The following PTGER3 variants were observed in gnomAD, a reference collection of about 807,000 sequenced individuals.
PTGER3 encodes the protein prostaglandin E receptor 3.
Under a neutral mutation model 34.7 loss-of-function variants are expected in PTGER3, and 22 were observed. That is an observed-to-expected ratio of 0.63 (90% CI 0.45 to 0.91). PTGER3 has a LOEUF of 0.91. PTGER3 is among the 40% of genes least tolerant of loss of function. The pLI, the probability that PTGER3 is intolerant of heterozygous loss-of-function variation, is 0.00. For synonymous variants in PTGER3, 241 were observed against 230.1 expected, an observed-to-expected ratio of 1.05 and a Z score of -0.43; for missense variants, 468 against 519.4, an observed-to-expected ratio of 0.90 and a Z score of 0.96.
chr1:70,956,036 G>T (rs1572752180), intron 2 of PTGER3, among the ~76,000 whole-genome samples: 1 of 152,128 alleles, frequency 6.6e-6, no homozygotes. Context: ...ACAGGTTTGG[G>T]CAGCTATCTC....
At chr1:70,905,964 G>T (rs10889899) in intron 4 of PTGER3, among the ~76,000 whole-genome samples, 35,123 of 151,924 alleles carry the variant, frequency 0.23, 4,242 homozygotes, top group South Asian at 0.32. Context: ...CTGGTGGGAG[G>T]TGATTGAATT....
chr1:70,949,084 T>A (rs548744795), downstream of PTGER3, among the ~76,000 whole-genome samples: 101 of 151,906 alleles, frequency 6.6e-4, 1 homozygote, highest in African/African-American at 2.3e-3. Context: ...GGTAAAGGAG[T>A]GTTGGGAAAA....
At chr1:70,911,074 C>T (rs1647050674) in intron 4 of PTGER3, among the ~76,000 whole-genome samples, 2 of 136,736 alleles carry the variant, frequency 1.5e-5, no homozygotes, top group South Asian at 4.8e-4. Context: ...AGCGAGACTC[C>T]ATTTAAAAAA....
At chr1:71,004,697 C>T (rs1656785921) in intron 2 of PTGER3, among the ~76,000 whole-genome samples, 1 of 152,072 alleles carries the variant, frequency 6.6e-6, no homozygotes, top group African/African-American at 2.4e-5. Flanking sequence ...ACCCTAATTC[C>T]TTTTATCAAA....
intron 4 of PTGER3, among the ~76,000 whole-genome samples, chr1:70,869,613 G>A (rs867521309): frequency 6.6e-6 from 1 of 152,148 alleles, no homozygotes; most frequent in Non-Finnish European, 1.5e-5. Flanking sequence ...TACAAGCATT[G>A]GGTAAACATT....
chr1:70,935,348 C>G (rs1649110410), intron 4 of PTGER3, among the ~76,000 whole-genome samples: 1 of 152,048 alleles, frequency 6.6e-6, no homozygotes, highest in Admixed American at 6.6e-5. Flanking sequence ...AGAGGTATTT[C>G]TTCCTTCCTT....
At chr1:70,866,897 G>A (rs1282621411) in intron 4 of PTGER3, among the ~76,000 whole-genome samples, 1 of 152,174 alleles carries the variant, frequency 6.6e-6, no homozygotes, top group African/African-American at 2.4e-5. Flanking sequence ...ATGCCTTACT[G>A]GATTTTAAAC....
chr1:70,964,503 A>G (rs1295381805), intron 2 of PTGER3, among the ~76,000 whole-genome samples: 4 of 152,200 alleles, frequency 2.6e-5, no homozygotes, highest in Non-Finnish European at 5.9e-5. Context: ...GGCAGCAGGA[A>G]AGACAGCATG....
At chr1:70,977,444 A>G (rs909847) in intron 2 of PTGER3, among the ~76,000 whole-genome samples, 92,708 of 151,396 alleles carry the variant, frequency 0.61, 28,576 homozygotes, top group Middle Eastern at 0.65. Context: ...CCATCATGTC[A>G]TTAATAGTTC....
intron 4 of PTGER3, among the ~76,000 whole-genome samples, chr1:70,943,955 A>G (rs1373817940): frequency 1.3e-5 from 2 of 151,962 alleles, no homozygotes; most frequent in Non-Finnish European, 2.9e-5. Context: ...CTTGGGTTCC[A>G]TGACATTTTT....
chr1:70,939,972 A>G (rs918092751), intron 4 of PTGER3, among the ~76,000 whole-genome samples: 1 of 152,110 alleles, frequency 6.6e-6, no homozygotes, highest in East Asian at 1.9e-4. Context: ...TTTCTTTTCT[A>G]TCACATAGTC....
At chr1:71,008,762 A>G in intron 2 of PTGER3, 1 of 964,910 alleles carries the variant, frequency 1.0e-6, no homozygotes, top group African/African-American at 1.8e-5. Flanking sequence ...CAAGCAATAA[A>G]CAAGCAGCTG....
At chr1:70,912,978 C>G (rs958773188) in intron 4 of PTGER3, among the ~76,000 whole-genome samples, 3 of 151,912 alleles carry the variant, frequency 2.0e-5, no homozygotes, top group African/African-American at 7.2e-5. Flanking sequence ...ATCTTGGCTA[C>G]TCTAGCTTTT....
At chr1:70,900,845 T>C (rs1646821823) in intron 4 of PTGER3, among the ~76,000 whole-genome samples, 3 of 152,166 alleles carry the variant, frequency 2.0e-5, no homozygotes. Context: ...GATAAACCTC[T>C]CCAAGCCCAA....
At chr1:71,042,020 T>G (rs902070180) in intron 1 of PTGER3, among the ~76,000 whole-genome samples, 8 of 152,152 alleles carry the variant, frequency 5.3e-5, no homozygotes, top group African/African-American at 1.7e-4. Flanking sequence ...GAAACTTTTA[T>G]AATTTAGTTG....
chr1:70,870,683 T>C (rs1440335647), intron 4 of PTGER3, among the ~76,000 whole-genome samples: 1 of 152,194 alleles, frequency 6.6e-6, no homozygotes, highest in Non-Finnish European at 1.5e-5. Context: ...TCAATCTAGA[T>C]ACCTTAGGTT....
intron 2 of PTGER3, chr1:71,006,634 G>A: frequency 1.0e-6 from 1 of 979,342 alleles, no homozygotes; most frequent in Non-Finnish European, 1.2e-6. Flanking sequence ...AATCGGAAAA[G>A]AGCAACTCTC....
intron 2 of PTGER3, among the ~76,000 whole-genome samples, chr1:70,990,832 T>G (rs1655409179): frequency 1.3e-5 from 2 of 152,112 alleles, no homozygotes; most frequent in East Asian, 3.9e-4. Flanking sequence ...TCATATAATA[T>G]GGAGATTAAT....
chr1:70,869,390 C>A, intron 4 of PTGER3: 1 of 415,096 alleles, frequency 2.4e-6, no homozygotes. Flanking sequence ...CATTCCACCC[C>A]TCTTCTCCAC....
Sources: gnomAD v4.1 joint callset for allele counts (sites outside exome capture counted in the v4.1 genomes callset) on GRCh38, gnomAD v4.1.1 for gene constraint, MANE v1.5 for transcripts, NCBI Gene and HGNC (gene_info 2026-07-23, HGNC 2026-07-21) for gene names.